Variants in MYO10 observed in about 807,000 individuals in gnomAD.
The protein encoded by MYO10 is myosin X, also known as unconventional myosin-X.
Under a neutral mutation model 257.3 loss-of-function variants are expected in MYO10, and 133 were observed. That is an observed-to-expected ratio of 0.52 (90% CI 0.45 to 0.60). The LOEUF is 0.60. Ranked by LOEUF, MYO10 falls within the 20% of genes least tolerant of loss-of-function variation. The pLI is 0.00. For missense variants in MYO10, 2,399 were observed against 2,635.7 expected (o/e 0.91, Z 1.97); for synonymous variants, 1,104 against 1,028.6 (o/e 1.07, Z -1.40).
rs16869022 is a variant in MYO10 at position 16,707,457 on chromosome 5, C to T, written c.2170-2772G>A. ...GCTTGGCTGAACTTGACTCAATATC[C>T]AACAGGAACCATTTCACGTGGTTCT... On this transcript the variant is annotated intron_variant, in intron 21 of 40. Transcript: ENST00000513610. Among the ~76,000 whole-genome samples the T allele has an allele frequency of 3.3e-3, 500 of 152,316 alleles. 3 individuals carry two copies. Among genetic ancestry groups the T allele is most frequent in the African/African-American group, 0.012 (483 of 41,578 alleles).
chr5:16,770,067 C>A (rs1043981468), intron 9 of MYO10, among the ~76,000 whole-genome samples: 13 of 151,954 alleles, frequency 8.6e-5, no homozygotes, highest in Non-Finnish European at 1.8e-4. Flanking sequence ...CATGCCAAGC[C>A]AAGAATTTTA....
intron 2 of MYO10, among the ~76,000 whole-genome samples, chr5:16,831,106 A>C (rs1743150321): frequency 6.6e-6 from 1 of 152,182 alleles, no homozygotes; most frequent in African/African-American, 2.4e-5. Flanking sequence ...ATGGCCAAGA[A>C]ACATATGAAA....
At chr5:16,730,324 T>G (rs1484746822) in intron 19 of MYO10, among the ~76,000 whole-genome samples, 2 of 152,106 alleles carry the variant, frequency 1.3e-5, no homozygotes, top group Non-Finnish European at 1.5e-5. Flanking sequence ...TGCTGAAAAG[T>G]TGGACTCTGC....
intron 1 of MYO10, among the ~76,000 whole-genome samples, chr5:16,926,655 T>C (rs1746140194): frequency 6.6e-6 from 1 of 151,318 alleles, no homozygotes; most frequent in Non-Finnish European, 1.5e-5. Context: ...TGAGCCAAAA[T>C]TGCGCCACTA....
Position 16,828,441 on chromosome 5 carries a change from A to AC in MYO10, c.121-10275dup, listed in dbSNP as rs768074885. 7.3e-5 allele frequency among the ~76,000 whole-genome samples: 11 copies of AC among 151,654 alleles called. No individual in the cohort carries two copies. The South Asian group carries it at 1.5e-3, about 20-fold the overall frequency. ...GCTTGGCCAACATGGTGAAACCACC[A>AC]CCCCCCGTCTCTACTAAAAATAACA... On this transcript the variant is annotated intron_variant, in intron 2 of 40. Coordinates refer to ENST00000513610, the MANE Select transcript of MYO10 (RefSeq NM_012334.3).
At chr5:16,688,740 CAAAAAAAAAGAAAAA>C (rs1296423691) in intron 28 of MYO10, among the ~76,000 whole-genome samples, 36 of 114,138 alleles carry the variant, frequency 3.2e-4, no homozygotes, top group Non-Finnish European at 5.0e-4. Flanking sequence ...AACTCTGTCT[CAAAAAAAAAGAAAAA>C]AAAAAAAAAG....
At chr5:16,904,407 G>A (rs561521846) in intron 1 of MYO10, among the ~76,000 whole-genome samples, 5 of 152,360 alleles carry the variant, frequency 3.3e-5, no homozygotes, top group African/African-American at 9.6e-5. Context: ...GAACCCTGAT[G>A]TACAGGCTGC....
At chr5:16,803,150 G>A (rs1742171997) in intron 3 of MYO10, among the ~76,000 whole-genome samples, 1 of 151,960 alleles carries the variant, frequency 6.6e-6, no homozygotes, top group Non-Finnish European at 1.5e-5. Flanking sequence ...AAAAGGCCAG[G>A]CCTGATGGCT....
At chr5:16,702,517 G>A (rs993695359) in intron 24 of MYO10, 26 bp downstream of exon 24, 1 of 1,580,628 alleles carries the variant, frequency 6.3e-7, no homozygotes, top group Middle Eastern at 1.7e-4. Flanking sequence ...AAACACAAGA[G>A]GCTAAGTTGT....
intron 4 of MYO10, among the ~76,000 whole-genome samples, chr5:16,792,144 G>C (rs796367792): frequency 0.019 from 2,811 of 148,146 alleles, 37 homozygotes; most frequent in Non-Finnish European, 0.028. Flanking sequence ...GAGAGAGAGA[G>C]AGAGAGAGAG....
chr5:16,867,368 A>G (rs1481026928), intron 2 of MYO10, among the ~76,000 whole-genome samples: 1 of 151,038 alleles, frequency 6.6e-6, no homozygotes, highest in African/African-American at 2.4e-5. Flanking sequence ...GGGAGACAGG[A>G]GTGTGTGCAG....
intron 2 of MYO10, among the ~76,000 whole-genome samples, chr5:16,823,572 T>C (rs972874606): frequency 1.3e-4 from 19 of 140,886 alleles, no homozygotes; most frequent in Admixed American, 7.6e-5. Flanking sequence ...CCAGGGTTCA[T>C]GCCATTCTCC....
At chr5:16,894,394 A>T (rs531605818) in intron 1 of MYO10, among the ~76,000 whole-genome samples, 2 of 152,236 alleles carry the variant, frequency 1.3e-5, no homozygotes, top group South Asian at 4.1e-4. Context: ...GGCTCTATCC[A>T]GGGGGCCAAA....
At chr5:16,715,781 C>T (rs569624234) in intron 19 of MYO10, among the ~76,000 whole-genome samples, 16 of 152,120 alleles carry the variant, frequency 1.1e-4, no homozygotes, top group Middle Eastern at 3.4e-3. Flanking sequence ...TAAGGCCAGG[C>T]GCGGTGGCTC....
At chr5:16,673,555 T>TATAC (rs1736572669) in intron 36 of MYO10, 127 bp downstream of exon 36, 1 of 897,776 alleles carries the variant, frequency 1.1e-6, no homozygotes. Context: ...TTCCTTAGTA[T>TATAC]TGAGAGCTGT....
intron 11 of MYO10, 109 bp from the exon 12 acceptor site, chr5:16,764,505 C>A: frequency 1.2e-5 from 15 of 1,211,710 alleles, no homozygotes; most frequent in Non-Finnish European, 1.6e-5. Context: ...TAGCATCTGG[C>A]CCTCCAGTGT....
chr5:16,902,287 C>T lies in MYO10; in HGVS notation c.22-24580G>A, dbSNP rs1580132843. On this transcript the variant is annotated intron_variant, in intron 1 of 40. Transcript: ENST00000513610. ...AGTCTGTCTTCAGTCTTTAAGAACT[C>T]AGCTCCTTACATGGGCTTTGGTAGG... The T allele has an allele frequency of 3.8e-6, 3 of 792,466 alleles. No individual in the cohort carries two copies. The East Asian group carries it at 7.3e-5, about 19-fold the overall frequency. The allele number at this position is 792,466 out of a possible 1,614,324, so 49.1% of individuals were successfully genotyped here.
chr5:16,840,097 T>C (rs369645207), intron 2 of MYO10, among the ~76,000 whole-genome samples: 11 of 152,152 alleles, frequency 7.2e-5, no homozygotes, highest in South Asian at 4.1e-4. Flanking sequence ...TTCCTACAAG[T>C]AGACAGTAAC....
At chr5:16,856,859 T>A (rs1743974028) in intron 2 of MYO10, among the ~76,000 whole-genome samples, 2 of 152,192 alleles carry the variant, frequency 1.3e-5, no homozygotes, top group South Asian at 4.1e-4. Context: ...TCTTTCTGGT[T>A]CCTTCATGCC....
Sources: gnomAD v4.1 joint callset for allele counts (sites outside exome capture counted in the v4.1 genomes callset) on GRCh38, gnomAD v4.1.1 for gene constraint, MANE v1.5 for transcripts, NCBI Gene and HGNC (gene_info 2026-07-23, HGNC 2026-07-21) for gene names.